The following RASGRF1 variants were observed in gnomAD, a reference collection of about 807,000 sequenced individuals.
The protein encoded by RASGRF1 is Ras protein specific guanine nucleotide releasing factor 1, also known as ras-specific guanine nucleotide-releasing factor 1.
Under a neutral mutation model 138.7 loss-of-function variants are expected in RASGRF1, and 40 were observed. The observed-to-expected ratio is 0.29, with a 90% CI of 0.22 to 0.38. The LOEUF (loss-of-function observed/expected upper bound fraction) is 0.38. Among genes scored for constraint, RASGRF1 ranks in the 10% least tolerant of loss-of-function variants. RASGRF1 has a pLI of 1.00. For synonymous variants in RASGRF1, 614 were observed against 663.2 expected (o/e 0.93, Z 1.14); for missense variants, 1,108 against 1,650.4 (o/e 0.67, Z 5.69).
rs149669311 is a variant in RASGRF1 at position 79,071,894 on chromosome 15, A to G, written c.277-7368T>C. 4.1e-3 allele frequency among the ~76,000 whole-genome samples: 617 copies of G among 152,192 alleles called. 19 individuals are homozygous for G. Among genetic ancestry groups the G allele is most frequent in the Admixed American group, 0.034 (527 of 15,296 alleles). ...TCTCCAGGCTGTGACTGAGTGTACCAGGGCCAGGGGCTCCCATCTCCTTCC... is the reference window on the plus strand; with the variant it reads ...TCTCCAGGCTGTGACTGAGTGTACCGGGGCCAGGGGCTCCCATCTCCTTCC... On this transcript the variant is annotated intron_variant, in intron 1 of 26. Coordinates refer to ENST00000558480, the MANE Select transcript of RASGRF1 (RefSeq NM_001145648.3).
intron 5 of RASGRF1, among the ~76,000 whole-genome samples, chr15:79,040,112 T>C (rs181766852): frequency 9.8e-5 from 15 of 152,308 alleles, no homozygotes; most frequent in African/African-American, 3.4e-4. Flanking sequence ...TTTAGGACTT[T>C]TTTTTTATTG....
intron 5 of RASGRF1, among the ~76,000 whole-genome samples, chr15:79,043,974 CA>C (rs2057327539): frequency 6.6e-6 from 1 of 152,220 alleles, no homozygotes; most frequent in Admixed American, 6.5e-5. Context: ...TTCAGTTATC[CA>C]GCCCCCTACA....
chr15:79,035,988 G>A (rs1365919965), intron 5 of RASGRF1, among the ~76,000 whole-genome samples: 4 of 152,186 alleles, frequency 2.6e-5, no homozygotes, highest in South Asian at 2.1e-4. Context: ...AGCTTAGCGC[G>A]GGCTGGGTAC....
At chr15:78,976,163 C>T (rs137964009) in intron 24 of RASGRF1, among the ~76,000 whole-genome samples, 9 of 152,194 alleles carry the variant, frequency 5.9e-5, no homozygotes, top group Non-Finnish European at 1.0e-4. Context: ...TGAGGGTCGA[C>T]TTCCCCTGGT....
chr15:79,031,584 C>T, intron 7 of RASGRF1, 75 bp from the exon 8 acceptor site: 6 of 682,368 alleles, frequency 8.8e-6, no homozygotes, highest in Non-Finnish European at 1.2e-5. Context: ...CAGGGGCAGA[C>T]AGGGAGTGAG....
intron 5 of RASGRF1, among the ~76,000 whole-genome samples, chr15:79,045,812 T>G (rs1233537792): frequency 2.6e-5 from 4 of 152,196 alleles, no homozygotes; most frequent in Non-Finnish European, 5.9e-5. Context: ...AAGGTGGCCC[T>G]GGGTCCCAAA....
At position 79,004,066 on chromosome 15, in the gene RASGRF1, T is replaced by C. The variant is rs777281597; in HGVS notation, c.2185A>G (p.Ile729Val). Residue 729 changes from isoleucine to valine, a missense_variant, in exon 15 of 27, where the codon ATC becomes GTC. Physicochemically the swap from Ile to Val is conservative, Grantham distance 29. This residue lies in a region of RASGRF1 where 686 missense variants were observed against 976.7 expected (regional missense o/e 0.70). Transcript: ENST00000558480. The part of the protein sequence containing the change: ...RKFSSPPPLS[I>V]TKTSSPSRRR... ...CGGCTCGGTGACGATGTCTTGGTGATGGACAGAGGTGGCGGCGAGGAGAAC... is the reference window on the plus strand; with the variant it reads ...CGGCTCGGTGACGATGTCTTGGTGACGGACAGAGGTGGCGGCGAGGAGAAC... 3.7e-6 allele frequency: 6 copies of C among 1,613,934 alleles called. 1 individual carries two copies. In the South Asian group the frequency reaches 6.6e-5, roughly 18 times the overall value.
In RASGRF1 at chr15:79,046,369, G is replaced by A. The variant is rs1320083588; in HGVS notation, c.878+377C>T. ...GTTGGAATAATTCTTTGTTGATGGG[G>A]AACTGTCCTGCATATTGTAGGATAT... On this transcript the variant is annotated intron_variant, in intron 5 of 26. Coordinates refer to ENST00000558480, the MANE Select transcript of RASGRF1 (RefSeq NM_001145648.3). The surrounding 1 kb of genome is among the most constrained non-coding windows in gnomAD (Gnocchi z 5.3). Among the ~76,000 whole-genome samples, 1 of 152,210 alleles carries A rather than the reference G, an allele frequency of 6.6e-6. No individual in the cohort carries two copies. Among genetic ancestry groups the A allele is most frequent in the Admixed American group, 6.5e-5 (1 of 15,282 alleles).
chr15:79,010,572 C>T (rs2056776179), intron 13 of RASGRF1, among the ~76,000 whole-genome samples: 1 of 152,218 alleles, frequency 6.6e-6, no homozygotes, highest in Non-Finnish European at 1.5e-5. Context: ...CAGTGCCTTA[C>T]AATGTGAACA....
chr15:78,994,726 C>T (rs1264240166), intron 20 of RASGRF1, among the ~76,000 whole-genome samples: 1 of 152,156 alleles, frequency 6.6e-6, no homozygotes, highest in Non-Finnish European at 1.5e-5. Flanking sequence ...ATGGTGAGCA[C>T]AGCTCTGTCT....
intron 20 of RASGRF1, among the ~76,000 whole-genome samples, 187 bp from the exon 21 acceptor site, chr15:78,991,981 C>T (rs1157219577): frequency 3.9e-5 from 6 of 152,040 alleles, no homozygotes; most frequent in South Asian, 4.2e-4. Flanking sequence ...GGGAAGGGGA[C>T]GGAGGGAGAT....
intron 15 of RASGRF1, 117 bp from the exon 16 acceptor site, chr15:79,001,904 T>C (rs886125278): frequency 4.6e-5 from 31 of 676,542 alleles, no homozygotes; most frequent in Admixed American, 4.0e-5. Flanking sequence ...AAACTTGGGA[T>C]ACAGCCACTG....
chr15:79,071,977 C>G (rs2057762196), intron 1 of RASGRF1, among the ~76,000 whole-genome samples: 1 of 152,192 alleles, frequency 6.6e-6, no homozygotes, highest in African/African-American at 2.4e-5. Flanking sequence ...TCTCCTGTCC[C>G]TATGATCTTT....
In RASGRF1 at chr15:79,031,441, G is replaced by A. The variant is rs2057134952; in HGVS notation, c.1221C>T (p.Asn407=). Residue 407 remains asparagine, a synonymous_variant, in exon 8 of 27, where the codon AAC becomes AAT. Transcript: ENST00000558480. Reference sequence around the variant, plus strand: ...GTTTGGACTTGGCGTAGTCCAGGCTGTTGCGCTCAACGTGCTCATGAGGCG... The same window carrying A: ...GTTTGGACTTGGCGTAGTCCAGGCTATTGCGCTCAACGTGCTCATGAGGCG... ...AHTPHEHVER[N]SLDYAKSKLE... 9 of 1,613,374 alleles carry A rather than the reference G, an allele frequency of 5.6e-6. No individual in the cohort carries two copies. Among genetic ancestry groups the A allele is most frequent in the Non-Finnish European group, 7.6e-6 (9 of 1,179,692 alleles).
intron 8 of RASGRF1, among the ~76,000 whole-genome samples, chr15:79,030,540 A>G (rs2057122278): frequency 6.6e-6 from 1 of 151,996 alleles, no homozygotes; most frequent in African/African-American, 2.4e-5. Context: ...CCTTCTTGTC[A>G]TCTACACTTG....
intron 14 of RASGRF1, among the ~76,000 whole-genome samples, chr15:79,004,560 G>T (rs55968012): frequency 6.6e-6 from 1 of 152,182 alleles, no homozygotes; most frequent in Non-Finnish European, 1.5e-5. Context: ...GAGGTCCTCA[G>T]GCATGTTTTG....
chr15:78,962,183 G>A lies in RASGRF1; in HGVS notation c.3735C>T (p.Tyr1245=), dbSNP rs34016249. ...QSFVMDEESL[Y]ESSLRIEPKL... ...TTGGTTCTATTCGGAGAGAAGACTC[G>A]TAGAGGCTTTCTTCATCCATTACAA... is the stretch of plus-strand genomic sequence containing the variant. The change falls in exon 27 of 27, where the codon TAC becomes TAT. Residue 1245 remains tyrosine, a synonymous_variant. Coordinates refer to ENST00000558480, the MANE Select transcript of RASGRF1 (RefSeq NM_001145648.3). 11,632 of 1,589,592 alleles carry A rather than the reference G, an allele frequency of 7.3e-3. 68 individuals carry two copies. Among genetic ancestry groups the A allele is most frequent in the Non-Finnish European group, 8.4e-3 (9,784 of 1,163,978 alleles).
At chr15:79,069,817 G>A (rs11629697) in intron 1 of RASGRF1, among the ~76,000 whole-genome samples, 22,739 of 152,088 alleles carry the variant, frequency 0.15, 1,883 homozygotes, top group East Asian at 0.31. Flanking sequence ...CACTGCCAAC[G>A]TTTCATTATG....
At chr15:79,058,515 G>A (rs2057541178) in intron 2 of RASGRF1, 34 bp from the exon 3 acceptor site, 1 of 1,609,020 alleles carries the variant, frequency 6.2e-7, no homozygotes, top group African/African-American at 1.3e-5. Context: ...GTAAGATGCT[G>A]ACTCCTTGTC....
Sources: gnomAD v4.1 joint callset for allele counts (sites outside exome capture counted in the v4.1 genomes callset) on GRCh38, gnomAD v4.1.1 for gene constraint, gnomAD v4.1.1 regional missense constraint, Gnocchi (gnomAD v3.1) non-coding constraint, MANE v1.5 for transcripts, NCBI Gene and HGNC (gene_info 2026-07-23, HGNC 2026-07-21) for gene names.